The following EEA1 variants were observed in gnomAD, a reference collection of about 807,000 sequenced individuals.
EEA1 encodes early endosome antigen 1.
EEA1 carries 111 observed loss-of-function variants against 209.2 expected under a neutral mutation model. That is an observed-to-expected ratio of 0.53 (90% CI 0.45 to 0.62). EEA1 has a LOEUF of 0.62. EEA1 is among the 20% of genes least tolerant of loss of function. The pLI is 0.00. For synonymous variants in EEA1, 536 were observed against 540.6 expected (o/e 0.99, Z 0.12); for missense variants, 1,343 against 1,530.8 (o/e 0.88, Z 2.05).
intron 2 of EEA1, among the ~76,000 whole-genome samples, chr12:92,872,301 G>A (rs1196701321): frequency 1.1e-4 from 16 of 152,070 alleles, no homozygotes; most frequent in East Asian, 9.7e-4. Context: ...TGTCTGCCTC[G>A]GCCTCCCAAG....
At position 92,801,567 on chromosome 12, in the gene EEA1, TAC is replaced by T. The variant is rs1359474017; in HGVS notation, c.2772+31_2772+32del. ...AAAATATAAAGACCTTACTATACTT[TAC>T]AGATTTTATGTTACAAAAAAAAAAT... On this transcript the variant is annotated intron_variant, in intron 20 of 28. Transcript: ENST00000322349. 3.6e-6 allele frequency: 5 copies of T among 1,407,066 alleles called. No homozygotes were observed. The South Asian group carries it at 6.5e-5, about 18-fold the overall frequency. 87.2% of individuals were successfully genotyped at this position (1,407,066 alleles called of 1,614,324 possible).
At chr12:92,860,264 G>T (rs751291738) in intron 3 of EEA1, among the ~76,000 whole-genome samples, 1 of 151,068 alleles carries the variant, frequency 6.6e-6, no homozygotes, top group African/African-American at 2.4e-5. Flanking sequence ...ACCAGATAAC[G>T]TTTTTTTTTC....
intron 2 of EEA1, among the ~76,000 whole-genome samples, chr12:92,877,243 C>T (rs1565846420): frequency 6.6e-6 from 1 of 150,514 alleles, no homozygotes; most frequent in African/African-American, 2.4e-5. Context: ...CATCCAAGTG[C>T]TGAGATTTCA....
chr12:92,787,774 A>C, intron 22 of EEA1, 93 bp downstream of exon 22: 6 of 1,023,524 alleles, frequency 5.9e-6, no homozygotes, highest in Non-Finnish European at 7.9e-6. Context: ...CACAAATACT[A>C]ACATTTCCTT....
At chr12:92,792,512 T>A (rs1017325849) in intron 21 of EEA1, among the ~76,000 whole-genome samples, 1 of 152,026 alleles carries the variant, frequency 6.6e-6, no homozygotes, top group Admixed American at 6.5e-5. Context: ...TCTACACAAA[T>A]AAACTAGAAA....
chr12:92,829,643 G>A (rs1183377612), intron 11 of EEA1, among the ~76,000 whole-genome samples: 1 of 151,862 alleles, frequency 6.6e-6, no homozygotes, highest in Non-Finnish European at 1.5e-5. Flanking sequence ...GTCAGGTGTG[G>A]TAGCATGTGC....
At chr12:92,822,480 T>C (rs73362454) in intron 13 of EEA1, among the ~76,000 whole-genome samples, 2,553 of 152,276 alleles carry the variant, frequency 0.017, 31 homozygotes, top group East Asian at 0.04. Flanking sequence ...TATTTTTCAT[T>C]TATCATACTG....
At chr12:92,781,363 C>T (rs954314109) in intron 23 of EEA1, among the ~76,000 whole-genome samples, 2 of 152,176 alleles carry the variant, frequency 1.3e-5, no homozygotes, top group African/African-American at 2.4e-5. Context: ...AGGGAATATA[C>T]ACTGCAGAGT....
At chr12:92,823,928 A>G (rs182011623) in intron 13 of EEA1, among the ~76,000 whole-genome samples, 1 of 152,258 alleles carries the variant, frequency 6.6e-6, no homozygotes, top group East Asian at 1.9e-4. Context: ...TTGCTTTACT[A>G]TTGACATTTC....
chr12:92,858,152 G>A, intron 3 of EEA1: 1 of 612,488 alleles, frequency 1.6e-6, no homozygotes, highest in Non-Finnish European at 3.0e-6. Flanking sequence ...CTCAGAGTTG[G>A]TGGGGGAAGG....
chr12:92,854,199 T>C (rs1269385647), intron 5 of EEA1, among the ~76,000 whole-genome samples: 1 of 152,200 alleles, frequency 6.6e-6, no homozygotes, highest in Non-Finnish European at 1.5e-5. Flanking sequence ...TTAATATATA[T>C]GAAGTTATTA....
chr12:92,800,736 A>T (rs777193103), intron 20 of EEA1, among the ~76,000 whole-genome samples: 1 of 152,258 alleles, frequency 6.6e-6, no homozygotes, highest in Non-Finnish European at 1.5e-5. Context: ...AGACTCTATC[A>T]TATAGAAACT....
At chr12:92,843,482 CTTT>C (rs1011506002) in intron 9 of EEA1, among the ~76,000 whole-genome samples, 1 of 152,078 alleles carries the variant, frequency 6.6e-6, no homozygotes, top group Non-Finnish European at 1.5e-5. Context: ...GTGAAAATCA[CTTT>C]TTATTACTAA....
chr12:92,832,537 A>G lies in EEA1; in HGVS notation c.1229T>C (p.Leu410Ser). The G allele has an allele frequency of 1.2e-6, 2 of 1,612,310 alleles. No homozygotes were observed. The highest frequency in any genetic ancestry group is 1.7e-6 in the Non-Finnish European group (2 of 1,179,476). Residue 410 changes from leucine (L) to serine (S), a missense_variant, in exon 11 of 29, where the codon TTA (leucine) becomes TCA (serine). This residue lies in a region of EEA1 where 1,307 missense variants were observed against 1,465.5 expected (regional missense o/e 0.89). Coordinates refer to ENST00000322349, the MANE Select transcript of EEA1 (RefSeq NM_003566.4). ...QQREEKEQHGLQLQSEINQLH... is the reference protein window; with the variant it reads ...QQREEKEQHGSQLQSEINQLH... ...TTGATTAATTTCACTTTGGAGTTGT[A>G]ACCCATGCTGCTCCTTTTCTTCTCT...
At chr12:92,852,376 G>T in intron 7 of EEA1, 80 bp from the exon 8 acceptor site, 1 of 896,450 alleles carries the variant, frequency 1.1e-6, no homozygotes, top group Non-Finnish European at 1.6e-6. Flanking sequence ...CTGCATATCT[G>T]TATATCACTC....
chr12:92,819,235 T>TA, intron 14 of EEA1, 73 bp downstream of exon 14: 1 of 1,302,088 alleles, frequency 7.7e-7, no homozygotes, highest in Admixed American at 2.5e-5. Flanking sequence ...AAGAATCATT[T>TA]AAATAAAGCA....
chr12:92,832,827 T>C lies in EEA1; in HGVS notation c.939A>G (p.Lys313=). 6.2e-7 allele frequency: 1 copy of C among 1,603,396 alleles called. No homozygotes were observed. The highest frequency in any genetic ancestry group is 8.5e-7 in the Non-Finnish European group (1 of 1,176,772). ...KNQTLTENLL[K]KEQDYTKLEE... ...CTAACTTAGTATAGTCTTGTTCTTT[T>C]TTCAGCAAGTTTTCTGTCAAGGTCT... The change falls in exon 11 of 29, where the codon AAA becomes AAG. Residue 313 remains lysine (K), a synonymous_variant. Coordinates refer to ENST00000322349, the MANE Select transcript of EEA1 (RefSeq NM_003566.4).
intron 2 of EEA1, among the ~76,000 whole-genome samples, chr12:92,888,200 C>A (rs1879492056): frequency 6.6e-6 from 1 of 152,042 alleles, no homozygotes. Flanking sequence ...GTTTCAAGAA[C>A]GAGCATGAAA....
intron 5 of EEA1, among the ~76,000 whole-genome samples, chr12:92,856,700 G>T (rs1365176726): frequency 6.7e-6 from 1 of 148,808 alleles, no homozygotes; most frequent in African/African-American, 2.5e-5. Context: ...TAACCATTTA[G>T]GTATATTACA....
Sources: allele counts gnomAD v4.1 joint callset (sites outside exome capture counted in the v4.1 genomes callset), GRCh38; gene constraint gnomAD v4.1.1; regional missense constraint gnomAD v4.1.1; transcripts MANE v1.5; gene names NCBI Gene and HGNC (gene_info 2026-07-23, HGNC 2026-07-21).